Variants in PARD3B observed in about 807,000 individuals in gnomAD.
The protein encoded by PARD3B is par-3 family cell polarity regulator beta, also known as partitioning defective 3 homolog B.
In PARD3B, 103 loss-of-function variants were observed where a neutral mutation model predicts 130.2. The ratio of observed to expected loss-of-function variants is 0.79; its 90% CI spans 0.67 to 0.93. The LOEUF (loss-of-function observed/expected upper bound fraction) is 0.93, where lower values mean the gene tolerates loss of function less well. Ranked by LOEUF, PARD3B falls within the 40% of genes least tolerant of loss-of-function variation. The probability of loss-of-function intolerance (pLI) is 0.00; values close to 1 mark genes in which losing one functional copy is unlikely to be tolerated. For synonymous variants in PARD3B, 583 were observed against 553.2 expected, an observed-to-expected ratio of 1.05 and a Z score of -0.76; for missense variants, 1,609 against 1,499.2, an observed-to-expected ratio of 1.07 and a Z score of -1.21.
At chr2:205,492,318 C>T (rs1020268665) in intron 20 of PARD3B, among the ~76,000 whole-genome samples, 2 of 152,102 alleles carry the variant, frequency 1.3e-5, no homozygotes, top group African/African-American at 4.8e-5. Context: ...TTCACCCTTT[C>T]CCTAAATTCA....
At chr2:205,211,050 T>TA (rs1311095159) in intron 15 of PARD3B, among the ~76,000 whole-genome samples, 3 of 152,108 alleles carry the variant, frequency 2.0e-5, no homozygotes, top group Non-Finnish European at 2.9e-5. Flanking sequence ...AATGTTTAAC[T>TA]AAACATGAGG....
At chr2:204,771,723 A>G (rs899648845) in intron 2 of PARD3B, among the ~76,000 whole-genome samples, 1 of 152,122 alleles carries the variant, frequency 6.6e-6, no homozygotes, top group African/African-American at 2.4e-5. Context: ...ACTTTTTCCC[A>G]TGTCTTTAAA....
intron 4 of PARD3B, among the ~76,000 whole-genome samples, chr2:205,081,745 A>G (rs1017019221): frequency 1.3e-5 from 2 of 152,124 alleles, no homozygotes; most frequent in African/African-American, 4.8e-5. Context: ...TAATTAAGAT[A>G]ATATTATCTT....
intron 18 of PARD3B, among the ~76,000 whole-genome samples, chr2:205,305,035 A>G (rs1032360743): frequency 2.0e-5 from 3 of 152,244 alleles, no homozygotes; most frequent in African/African-American, 7.2e-5. Context: ...ATTGGTCCAC[A>G]TCCCATCTAC....
intron 22 of PARD3B, among the ~76,000 whole-genome samples, chr2:205,570,789 G>C (rs2053534222): frequency 6.6e-6 from 1 of 152,178 alleles, no homozygotes. Flanking sequence ...TATCTTCCCA[G>C]CTTTGGAAAA....
At chr2:205,279,085 A>AAAAC (rs903276154) in intron 16 of PARD3B, among the ~76,000 whole-genome samples, 2 of 150,600 alleles carry the variant, frequency 1.3e-5, no homozygotes, top group Non-Finnish European at 3.0e-5. Flanking sequence ...AAAAAAAAAA[A>AAAAC]AAAAAAAAAA....
At chr2:204,886,902 T>A (rs148573363) in intron 2 of PARD3B, among the ~76,000 whole-genome samples, 1,847 of 152,330 alleles carry the variant, frequency 0.012, 15 homozygotes, top group Non-Finnish European at 0.021. Flanking sequence ...AGGCATTTTC[T>A]TAGATGGGCT....
chr2:205,231,766 G>T (rs1166156386), intron 15 of PARD3B, among the ~76,000 whole-genome samples: 2 of 152,308 alleles, frequency 1.3e-5, no homozygotes, highest in East Asian at 1.9e-4. Flanking sequence ...AAGCAAGGGG[G>T]TTAGAGTGTA....
chr2:205,583,389 G>GTC lies in PARD3B; in HGVS notation c.3260+29987_3260+29988insCT, dbSNP rs2054069156. Among the ~76,000 whole-genome samples, 35 of 70,432 alleles carry GTC rather than the reference G, an allele frequency of 5.0e-4. No individual in the cohort carries two copies. In the South Asian group the frequency reaches 0.023, roughly 46 times the overall value. 46.2% of individuals were successfully genotyped at this position (70,432 alleles called of 152,430 possible). A position where few individuals can be genotyped will look rare whatever the true frequency, so the allele number is the denominator to read the frequency against. ...CTCCTCCTAAGCTCTGTGTGTGTGT[G>GTC]TGTGTGTGTGTGCGCGCGCACGCGC... On this transcript the variant is annotated intron_variant, in intron 22 of 22. Transcript: ENST00000406610.
At chr2:205,521,800 A>G (rs1413897537) in intron 21 of PARD3B, among the ~76,000 whole-genome samples, 2 of 152,044 alleles carry the variant, frequency 1.3e-5, no homozygotes, top group Non-Finnish European at 2.9e-5. Context: ...GAAGGGTTAC[A>G]TTACCTTTGC....
intron 18 of PARD3B, among the ~76,000 whole-genome samples, chr2:205,355,681 A>G (rs1204319311): frequency 6.6e-6 from 1 of 152,156 alleles, no homozygotes; most frequent in African/African-American, 2.4e-5. Context: ...TATATTAGTC[A>G]ATTTTCATAC....
chr2:205,425,852 G>A (rs1053046424), intron 19 of PARD3B, among the ~76,000 whole-genome samples: 1 of 152,052 alleles, frequency 6.6e-6, no homozygotes, highest in Non-Finnish European at 1.5e-5. Flanking sequence ...TCCACATATT[G>A]GATTCTGCAA....
At position 204,887,229 on chromosome 2, in the gene PARD3B, C is replaced by T. The variant is rs1395782841; in HGVS notation, c.223-77923C>T. 6.6e-6 allele frequency among the ~76,000 whole-genome samples: 1 copy of T among 152,104 alleles called. No individual in the cohort carries two copies. The highest frequency in any genetic ancestry group is 1.5e-5 in the Non-Finnish European group (1 of 68,022). ...TATTAGAATCCATAGTAGTATGTTT[C>T]CATCTCAGAACCCACAAATTACCAA... On this transcript the variant is annotated intron_variant, in intron 2 of 22. Coordinates refer to ENST00000406610, the MANE Select transcript of PARD3B (RefSeq NM_001302769.2). The surrounding 1 kb of genome is among the most constrained non-coding windows in gnomAD (Gnocchi z 4.2).
At chr2:205,047,222 A>T (rs949910207) in intron 3 of PARD3B, among the ~76,000 whole-genome samples, 4 of 152,224 alleles carry the variant, frequency 2.6e-5, no homozygotes, top group African/African-American at 9.6e-5. Context: ...TGACTGTGTG[A>T]ATCCCTTCAT....
rs192149229 is a variant in PARD3B, at chr2:204,835,857, C to G, written c.223-129295C>G. 2.8e-4 allele frequency among the ~76,000 whole-genome samples: 43 copies of G among 152,248 alleles called. No homozygotes were observed. In the East Asian group the frequency reaches 7.5e-3, roughly 27 times the overall value. ...CCAACTGCAGGCTTATGTAAGTGTT[C>G]CAAGCATGTTTAGGCTAGGCTAGGC... is the stretch of plus-strand genomic sequence containing the variant. On this transcript the variant is annotated intron_variant, in intron 2 of 22. Coordinates refer to ENST00000406610, the MANE Select transcript of PARD3B (RefSeq NM_001302769.2).
Position 204,975,047 on chromosome 2 carries a change from A to G in PARD3B, c.394+9724A>G, listed in dbSNP as rs151073285. On this transcript the variant is annotated intron_variant, in intron 3 of 22. Transcript: ENST00000406610. ...CAAGTTATATATTTTTATCATATAT[A>G]ACGATTGTTCTAATATTATGGGGTA... Among the ~76,000 whole-genome samples the G allele has an allele frequency of 4.6e-3, 698 of 152,226 alleles. 2 individuals are homozygous for G. Among genetic ancestry groups the G allele is most frequent in the African/African-American group, 0.016 (668 of 41,530 alleles).
chr2:205,408,889 T>C (rs945033970), intron 19 of PARD3B, among the ~76,000 whole-genome samples: 1 of 152,126 alleles, frequency 6.6e-6, no homozygotes, highest in Non-Finnish European at 1.5e-5. Flanking sequence ...AGTCCCAATT[T>C]ATTATTACTA....
intron 22 of PARD3B, among the ~76,000 whole-genome samples, chr2:205,609,693 T>G (rs910821427): frequency 6.6e-6 from 1 of 152,254 alleles, no homozygotes; most frequent in Non-Finnish European, 1.5e-5. Context: ...CATTCACACC[T>G]CTGCTCATAA....
intron 2 of PARD3B, among the ~76,000 whole-genome samples, chr2:204,947,865 A>G (rs1388837138): frequency 1.3e-5 from 2 of 152,188 alleles, no homozygotes; most frequent in Non-Finnish European, 2.9e-5. Flanking sequence ...GAATAGGTCT[A>G]TTGTTTGCAA....
Sources: allele counts gnomAD v4.1 joint callset (sites outside exome capture counted in the v4.1 genomes callset), GRCh38; gene constraint gnomAD v4.1.1; non-coding constraint Gnocchi (gnomAD v3.1); transcripts MANE v1.5; gene names NCBI Gene and HGNC (gene_info 2026-07-23, HGNC 2026-07-21).